Variants in GRK3 observed in about 807,000 individuals in gnomAD.
GRK3 encodes the protein adrenergic, beta, receptor kinase 2.
In GRK3, 54 loss-of-function variants were observed where a neutral mutation model predicts 95.7. The ratio of observed to expected loss-of-function variants is 0.56; its 90% confidence interval spans 0.45 to 0.71. The LOEUF is 0.71. Ranked by LOEUF, GRK3 falls within the 30% of genes least tolerant of loss-of-function variation. GRK3 has a pLI of 0.00. For missense variants in GRK3, 649 were observed against 851.2 expected, an observed-to-expected ratio of 0.76 and a Z score of 2.96; for synonymous variants, 281 against 290.8, an observed-to-expected ratio of 0.97 and a Z score of 0.34.
chr22:25,594,070 A>G (rs1932587083), intron 1 of GRK3, among the ~76,000 whole-genome samples: 1 of 152,068 alleles, frequency 6.6e-6, no homozygotes, highest in African/African-American at 2.4e-5. Flanking sequence ...TCTTAAGATT[A>G]CTTTGGCTAT....
At position 25,724,981 on chromosome 22, in the gene GRK3, C is replaced by T. The variant is rs1367757963; in HGVS notation, c.*2531C>T. 6.6e-6 allele frequency: 1 copy of T among 152,150 alleles called. No homozygotes were observed. The highest frequency in any genetic ancestry group is 1.5e-5 in the Non-Finnish European group (1 of 68,062). The allele number at this position is 152,150 out of a possible 1,614,324, so 9.4% of individuals were successfully genotyped here. ...GTTCAAGCAATCCTCCCACGTCAGC[C>T]TCCTGAGTAGCTAGGACTACAGGTG... On this transcript the variant is annotated 3_prime_UTR_variant, in exon 21 of 21. Transcript: ENST00000324198.
chr22:25,678,053 C>T (rs1407998333), intron 8 of GRK3, among the ~76,000 whole-genome samples: 1 of 152,166 alleles, frequency 6.6e-6, no homozygotes, highest in African/African-American at 2.4e-5. Flanking sequence ...AAAAATAAAT[C>T]AATAAAATAG....
intron 13 of GRK3, among the ~76,000 whole-genome samples, chr22:25,700,914 T>C (rs1362507119): frequency 1.3e-5 from 2 of 152,226 alleles, no homozygotes; most frequent in East Asian, 1.9e-4. Context: ...TAACTTTTGA[T>C]GTGAGAGTTT....
Position 25,722,302 on chromosome 22 carries a change from T to C in GRK3, c.1919T>C (p.Phe640Ser), listed in dbSNP as rs747675608. 3.7e-5 allele frequency: 60 copies of C among 1,614,028 alleles called. No individual in the cohort carries two copies. The highest frequency in any genetic ancestry group is 4.7e-5 in the Non-Finnish European group (56 of 1,180,020). ...FVLQCESDPE[F>S]VQWKKELNET... Reference sequence around the variant, plus strand: ...ATTCCCCCTCAGAGTGATCCAGAGTTTGTGCAGTGGAAGAAAGAGTTGAAC... The same window carrying C: ...ATTCCCCCTCAGAGTGATCCAGAGTCTGTGCAGTGGAAGAAAGAGTTGAAC... The change falls in exon 21 of 21, where the codon TTT (phenylalanine) becomes TCT (serine). Residue 640 changes from phenylalanine (F) to serine (S), a missense_variant. By Grantham distance (155) the Phe-to-Ser change is radical. Around this residue, in one of 3 missense-constraint regions of GRK3, gnomAD observed 382 missense variants for 493.8 expected, o/e 0.77. Coordinates refer to ENST00000324198, the MANE Select transcript of GRK3 (RefSeq NM_005160.4).
intron 10 of GRK3, 111 bp downstream of exon 10, chr22:25,685,359 G>A: frequency 1.2e-6 from 1 of 836,444 alleles, no homozygotes; most frequent in Non-Finnish European, 2.0e-6. Flanking sequence ...AGGTAATTAG[G>A]TTCCCCCTGA....
intron 20 of GRK3, 126 bp from the exon 21 acceptor site, chr22:25,722,163 G>C: frequency 9.9e-7 from 1 of 1,011,078 alleles, no homozygotes; most frequent in Non-Finnish European, 1.5e-6. Flanking sequence ...AATGCCACTG[G>C]GGGTGGACAC....
At chr22:25,680,096 A>T (rs77911239) in intron 9 of GRK3, among the ~76,000 whole-genome samples, 2,397 of 152,254 alleles carry the variant, frequency 0.016, 32 homozygotes, top group Middle Eastern at 0.065. Context: ...TATGGTTTAT[A>T]TTATTCTGTC....
At chr22:25,693,921 A>T (rs141992320) in intron 12 of GRK3, among the ~76,000 whole-genome samples, 2,677 of 151,860 alleles carry the variant, frequency 0.018, 81 homozygotes, top group African/African-American at 0.06. Flanking sequence ...CCTCCCGAGT[A>T]ACTGGGATTA....
At chr22:25,650,323 G>A (rs183657362) in intron 3 of GRK3, among the ~76,000 whole-genome samples, 380 of 152,254 alleles carry the variant, frequency 2.5e-3, no homozygotes, top group African/African-American at 8.6e-3. Context: ...CATCATGCCC[G>A]GCAATTTTTT....
chr22:25,617,974 T>C (rs985673540), intron 2 of GRK3, among the ~76,000 whole-genome samples: 1 of 152,362 alleles, frequency 6.6e-6, no homozygotes, highest in East Asian at 1.9e-4. Context: ...GGTTTCGCCA[T>C]GTTGGCCAGG....
rs755092875 is a variant in GRK3 at position 25,593,962 on chromosome 22, G to A, written c.114-10415G>A. ...TCTCTCTTCTATTCCACTGGTCTGT[G>A]TGTCTGTTTCTGTATCAGCACTATG... On this transcript the variant is annotated intron_variant, in intron 1 of 20. Transcript: ENST00000324198. 1.0e-3 allele frequency among the ~76,000 whole-genome samples: 152 copies of A among 152,298 alleles called. 1 individual carries two copies. Among genetic ancestry groups the A allele is most frequent in the Non-Finnish European group, 2.0e-3 (139 of 68,012 alleles).
At chr22:25,571,274 T>C (rs1327315699) in intron 1 of GRK3, among the ~76,000 whole-genome samples, 1 of 152,186 alleles carries the variant, frequency 6.6e-6, no homozygotes, top group African/African-American at 2.4e-5. Flanking sequence ...ACATTAAGGA[T>C]CTGATTCCAC....
chr22:25,725,385 T>C lies in GRK3; in HGVS notation c.*2935T>C, dbSNP rs899115805. The C allele has an allele frequency of 7.6e-6, 3 of 395,532 alleles. No individual in the cohort carries two copies. Among genetic ancestry groups the C allele is most frequent in the African/African-American group, 6.2e-5 (3 of 48,710 alleles). The allele number at this position is 395,532 out of a possible 1,614,324, so 24.5% of individuals were successfully genotyped here. ...TCAATAAAGCCTAAAAATAATAGATTACTTTAAGCTGCTATGTAAGATATA... is the reference window on the plus strand; with the variant it reads ...TCAATAAAGCCTAAAAATAATAGATCACTTTAAGCTGCTATGTAAGATATA... On this transcript the variant is annotated 3_prime_UTR_variant, in exon 21 of 21. Transcript: ENST00000324198.
At chr22:25,716,004 C>T (rs74484214) in intron 18 of GRK3, among the ~76,000 whole-genome samples, 2 of 151,376 alleles carry the variant, frequency 1.3e-5, no homozygotes, top group African/African-American at 2.4e-5. Flanking sequence ...CTTTTTTTTT[C>T]TAGATGGAGT....
At position 25,726,608 on chromosome 22, in the gene GRK3, A is replaced by G. The variant is rs1374342137; in HGVS notation, c.*4158A>G. ...AGAGAATAGTGGTAGAAATCGGGCG[A>G]AGGAAGAAAGAAGTTACTGGTAAAA... On this transcript the variant is annotated 3_prime_UTR_variant, in exon 21 of 21. Transcript: ENST00000324198. The G allele has an allele frequency of 6.6e-6, 1 of 152,172 alleles. No homozygotes were observed. The highest frequency in any genetic ancestry group is 1.5e-5 in the Non-Finnish European group (1 of 68,030). 9.4% of individuals were successfully genotyped at this position (152,172 alleles called of 1,614,324 possible).
At chr22:25,642,500 T>C (rs962963357) in intron 2 of GRK3, among the ~76,000 whole-genome samples, 3 of 152,156 alleles carry the variant, frequency 2.0e-5, no homozygotes, top group African/African-American at 7.2e-5. Flanking sequence ...TTTATTTCTA[T>C]GGATTTAGGG....
At chr22:25,677,685 T>G (rs1036425407) in intron 8 of GRK3, among the ~76,000 whole-genome samples, 20 of 152,174 alleles carry the variant, frequency 1.3e-4, no homozygotes, top group African/African-American at 4.6e-4. Flanking sequence ...AAGAAAAAGG[T>G]AGATTTTCTG....
chr22:25,573,915 AAAACCAAC>A (rs1355774241), intron 1 of GRK3, among the ~76,000 whole-genome samples: 1 of 144,702 alleles, frequency 6.9e-6, no homozygotes, highest in Non-Finnish European at 1.5e-5. Flanking sequence ...AAGAAACAAA[AAAACCAAC>A]CAACCAACCA....
intron 2 of GRK3, among the ~76,000 whole-genome samples, chr22:25,628,624 A>G (rs1454531570): frequency 6.6e-6 from 1 of 152,214 alleles, no homozygotes; most frequent in Non-Finnish European, 1.5e-5. Flanking sequence ...ATTAGAGTTC[A>G]TGTTTGCACT....
Sources: allele counts gnomAD v4.1 joint callset (sites outside exome capture counted in the v4.1 genomes callset), GRCh38; gene constraint gnomAD v4.1.1; regional missense constraint gnomAD v4.1.1; transcripts MANE v1.5; gene names NCBI Gene and HGNC (gene_info 2026-07-23, HGNC 2026-07-21).